The following SCN11A variants were observed in gnomAD, a reference collection of about 807,000 sequenced individuals.
SCN11A encodes the protein sodium voltage-gated channel alpha subunit 11.
In SCN11A, 122 loss-of-function variants were observed where a neutral mutation model predicts 162.2. The observed-to-expected ratio is 0.75, with a 90% CI of 0.65 to 0.87. SCN11A has a LOEUF of 0.87. SCN11A is among the 40% of genes least tolerant of loss of function. The pLI is 0.00. For synonymous variants in SCN11A, 758 were observed against 751.5 expected (o/e 1.01, Z -0.14); for missense variants, 2,015 against 2,181.6 (o/e 0.92, Z 1.52).
At chr3:38,965,330 A>G (rs986320125) in intron 2 of SCN11A, among the ~76,000 whole-genome samples, 3 of 152,196 alleles carry the variant, frequency 2.0e-5, no homozygotes, top group South Asian at 2.1e-4. Context: ...TGGCTCCTCA[A>G]TCTTGTATGT....
intron 23 of SCN11A, among the ~76,000 whole-genome samples, chr3:38,878,702 G>C (rs1404973419): frequency 6.6e-6 from 1 of 151,972 alleles, no homozygotes; most frequent in African/African-American, 2.4e-5. Flanking sequence ...CTGTTTCCTT[G>C]TCTCTGAGCC....
chr3:38,971,125 C>T (rs901196049), intron 2 of SCN11A, among the ~76,000 whole-genome samples: 1 of 152,150 alleles, frequency 6.6e-6, no homozygotes, highest in East Asian at 1.9e-4. Flanking sequence ...CACCCATACA[C>T]TTACACACTC....
chr3:39,018,412 G>A (rs1038910394), intron 2 of SCN11A, among the ~76,000 whole-genome samples: 2 of 152,128 alleles, frequency 1.3e-5, no homozygotes, highest in African/African-American at 4.8e-5. Flanking sequence ...GTACTCTGCT[G>A]GGTTCCCCTT....
chr3:38,854,765 C>G (rs571354465), intron 28 of SCN11A, among the ~76,000 whole-genome samples: 2 of 152,184 alleles, frequency 1.3e-5, no homozygotes, highest in Non-Finnish European at 2.9e-5. Context: ...GTAACCTTAC[C>G]TAGAGCTGAA....
rs745742304 is a variant in SCN11A at position 38,846,690 on chromosome 3, G to A, written c.*4C>T. The A allele has an allele frequency of 4.2e-5, 67 of 1,612,478 alleles. No individual in the cohort carries two copies. Among genetic ancestry groups the A allele is most frequent in the Middle Eastern group, 3.4e-4 (2 of 5,910 alleles). ...AGCTATGAGGTAGGCGTGGAGGTGA[G>A]GGCTCAGTCACAGTGGACCTTGCCC... On this transcript the variant is annotated 3_prime_UTR_variant, in exon 30 of 30. Coordinates refer to ENST00000302328, the MANE Select transcript of SCN11A (RefSeq NM_001349253.2).
At chr3:38,988,579 A>T (rs1327867637) in intron 2 of SCN11A, among the ~76,000 whole-genome samples, 1 of 151,604 alleles carries the variant, frequency 6.6e-6, no homozygotes, top group Non-Finnish European at 1.5e-5. Context: ...CGCCTCATTT[A>T]TTCGTCTTGT....
chr3:38,937,850 T>C (rs931967406), intron 7 of SCN11A, among the ~76,000 whole-genome samples: 1 of 152,196 alleles, frequency 6.6e-6, no homozygotes, highest in Non-Finnish European at 1.5e-5. Flanking sequence ...GAACTAGAAA[T>C]ACCATTTGAC....
At chr3:38,925,012 C>T (rs2066115372) in intron 9 of SCN11A, among the ~76,000 whole-genome samples, 1 of 152,132 alleles carries the variant, frequency 6.6e-6, no homozygotes, top group African/African-American at 2.4e-5. Context: ...ATCGTGATCA[C>T]TCTGTTTAAA....
intron 7 of SCN11A, among the ~76,000 whole-genome samples, chr3:38,938,128 G>A (rs1050398663): frequency 6.6e-6 from 1 of 151,848 alleles, no homozygotes; most frequent in Non-Finnish European, 1.5e-5. Context: ...ACTATCGCAA[G>A]AACAAAAAAC....
chr3:38,883,099 T>C (rs749683787), intron 22 of SCN11A, 134 bp downstream of exon 22: 3 of 725,818 alleles, frequency 4.1e-6, no homozygotes, highest in Non-Finnish European at 6.7e-6. Flanking sequence ...CCCTGCCCAC[T>C]GCGGGAACCA....
chr3:38,924,617 C>T (rs1400649156), intron 9 of SCN11A, among the ~76,000 whole-genome samples: 8 of 152,158 alleles, frequency 5.3e-5, no homozygotes, highest in Admixed American at 5.2e-4. Context: ...AGGTGATCCA[C>T]CTGCCTCAGC....
At chr3:38,922,200 T>C (rs553682097) in intron 9 of SCN11A, among the ~76,000 whole-genome samples, 3 of 152,332 alleles carry the variant, frequency 2.0e-5, no homozygotes, top group African/African-American at 7.2e-5. Context: ...TGAGAGCACA[T>C]GGCAGCATAC....
chr3:39,042,919 T>C (rs1205016081), intron 1 of SCN11A, among the ~76,000 whole-genome samples: 1 of 133,612 alleles, frequency 7.5e-6, no homozygotes, highest in Non-Finnish European at 1.5e-5. Context: ...ATCATGCCAT[T>C]GCACTCTAGC....
At chr3:38,929,406 TG>T (rs1192704707) in intron 7 of SCN11A, among the ~76,000 whole-genome samples, 19 of 152,084 alleles carry the variant, frequency 1.2e-4, no homozygotes, top group Non-Finnish European at 2.8e-4. Flanking sequence ...AAGATTGAAA[TG>T]GGGAGTTGGT....
chr3:38,901,685 A>C (rs983958399), intron 16 of SCN11A, among the ~76,000 whole-genome samples: 3 of 152,190 alleles, frequency 2.0e-5, no homozygotes, highest in Non-Finnish European at 1.5e-5. Flanking sequence ...GCTCCTTGGA[A>C]CTTAAGACTC....
chr3:39,012,901 A>C (rs1384533618), intron 2 of SCN11A, among the ~76,000 whole-genome samples: 1 of 152,218 alleles, frequency 6.6e-6, no homozygotes, highest in Non-Finnish European at 1.5e-5. Context: ...GGCAGAAAAA[A>C]GGTAGCAATG....
chr3:38,995,284 C>A (rs778824011), intron 2 of SCN11A, among the ~76,000 whole-genome samples: 1 of 152,020 alleles, frequency 6.6e-6, no homozygotes, highest in Non-Finnish European at 1.5e-5. Context: ...CCATGCCCAG[C>A]TAATTTTTTG....
At chr3:38,931,058 T>C (rs932268236) in intron 7 of SCN11A, among the ~76,000 whole-genome samples, 2 of 152,238 alleles carry the variant, frequency 1.3e-5, no homozygotes, top group African/African-American at 4.8e-5. Flanking sequence ...CCATAGGTCC[T>C]GCCCTCCTCA....
At chr3:39,023,011 G>C (rs768056481) in intron 2 of SCN11A, among the ~76,000 whole-genome samples, 3 of 152,176 alleles carry the variant, frequency 2.0e-5, no homozygotes, top group Non-Finnish European at 4.4e-5. Context: ...GTGTGATAAT[G>C]ATATTATGCT....
Sources: allele counts gnomAD v4.1 joint callset (sites outside exome capture counted in the v4.1 genomes callset), GRCh38; gene constraint gnomAD v4.1.1; transcripts MANE v1.5; gene names NCBI Gene and HGNC (gene_info 2026-07-23, HGNC 2026-07-21).